ITSN1: variants seen among roughly 807,000 people sequenced by gnomAD.
The protein encoded by ITSN1 is intersectin 1.
A neutral mutation model predicts 239.8 loss-of-function variants in ITSN1; 58 were observed. The observed-to-expected ratio is 0.24, with a 90% CI of 0.20 to 0.30. The LOEUF (loss-of-function observed/expected upper bound fraction) is 0.30, where lower values mean the gene tolerates loss of function less well. ITSN1 is among the 10% of genes least tolerant of loss of function. ITSN1 has a pLI of 1.00. For missense variants in ITSN1, 1,558 were observed against 2,103.3 expected (o/e 0.74, Z 5.07); for synonymous variants, 780 against 770.8 (o/e 1.01, Z -0.20).
intron 29 of ITSN1, among the ~76,000 whole-genome samples, chr21:33,846,114 ACT>A (rs1048686503): frequency 1.3e-5 from 2 of 151,682 alleles, no homozygotes; most frequent in Non-Finnish European, 2.9e-5. Context: ...ATCTAGCCTC[ACT>A]CTGCTGTCCA....
At chr21:33,689,359 AG>A (rs371893473) in intron 1 of ITSN1, 26 of 152,300 alleles carry the variant, frequency 1.7e-4, no homozygotes, top group Middle Eastern at 3.4e-3. Context: ...GCATCTGTGT[AG>A]CCCCAGAGGG....
At chr21:33,698,136 A>G (rs964999) in intron 1 of ITSN1, among the ~76,000 whole-genome samples, 23,776 of 152,132 alleles carry the variant, frequency 0.16, 2,413 homozygotes, top group African/African-American at 0.27. Context: ...GATGATTTAG[A>G]AGAACTGAGG....
intron 30 of ITSN1, 152 bp downstream of exon 30, chr21:33,857,009 G>T (rs1320784275): frequency 4.3e-6 from 3 of 702,454 alleles, no homozygotes; most frequent in East Asian, 2.7e-5. Context: ...ATAGGAGATT[G>T]CGACCGCAGA....
chr21:33,690,811 A>G (rs1261670684), intron 1 of ITSN1, among the ~76,000 whole-genome samples: 1 of 20,146 alleles, frequency 5.0e-5, no homozygotes, highest in East Asian at 5.6e-4. Context: ...ATATATATAT[A>G]TATGTATATA....
intron 22 of ITSN1, among the ~76,000 whole-genome samples, chr21:33,815,076 A>T (rs916818548): frequency 2.6e-5 from 4 of 152,144 alleles, no homozygotes; most frequent in African/African-American, 9.7e-5. Context: ...AGTTGTGTTG[A>T]GTTGAAGGTG....
intron 1 of ITSN1, among the ~76,000 whole-genome samples, chr21:33,644,494 C>T (rs2087745329): frequency 6.6e-6 from 1 of 152,022 alleles, no homozygotes; most frequent in Non-Finnish European, 1.5e-5. Flanking sequence ...ATGGTACCGT[C>T]ACAAAACTCT....
chr21:33,675,254 T>C (rs546264689), intron 1 of ITSN1, among the ~76,000 whole-genome samples: 1 of 152,160 alleles, frequency 6.6e-6, no homozygotes, highest in East Asian at 1.9e-4. Flanking sequence ...AATTTGTAGG[T>C]CAAAGAGCAT....
At chr21:33,735,473 G>T (rs371779628) in intron 5 of ITSN1, 2 of 372,394 alleles carry the variant, frequency 5.4e-6, no homozygotes, top group Non-Finnish European at 9.7e-6. Flanking sequence ...CGCTGCTGCA[G>T]CTTCTGGGTT....
chr21:33,660,435 A>G (rs1220854061), intron 1 of ITSN1, among the ~76,000 whole-genome samples: 1 of 152,222 alleles, frequency 6.6e-6, no homozygotes, highest in African/African-American at 2.4e-5. Flanking sequence ...AAATAGCTGT[A>G]ATAAACCTAT....
intron 11 of ITSN1, among the ~76,000 whole-genome samples, chr21:33,770,650 T>C (rs1189925349): frequency 1.3e-5 from 2 of 152,222 alleles, no homozygotes; most frequent in African/African-American, 4.8e-5. Flanking sequence ...ATAAATGGAA[T>C]CATATATGAC....
Position 33,896,829 on chromosome 21 carries a change from C to T in ITSN1, c.*8529C>T, listed in dbSNP as rs1247349763. 1 of 152,214 alleles carries T rather than the reference C, an allele frequency of 6.6e-6. No individual in the cohort carries two copies. Among genetic ancestry groups the T allele is most frequent in the Non-Finnish European group, 1.5e-5 (1 of 68,036 alleles). The allele number at this position is 152,214 out of a possible 1,614,324, so 9.4% of individuals were successfully genotyped here. A position where few individuals can be genotyped will look rare whatever the true frequency, so the allele number is the denominator to read the frequency against. On this transcript the variant is annotated 3_prime_UTR_variant, in exon 40 of 40. Coordinates refer to ENST00000381318, the MANE Select transcript of ITSN1 (RefSeq NM_003024.3). Reference sequence around the variant, plus strand: ...GGTCCCCATCTCCATATACATTGAGCAATAATCCTCACTATGTTTCCTGAT... The same window carrying T: ...GGTCCCCATCTCCATATACATTGAGTAATAATCCTCACTATGTTTCCTGAT...
intron 29 of ITSN1, among the ~76,000 whole-genome samples, chr21:33,849,632 T>C (rs963327587): frequency 6.6e-6 from 1 of 151,574 alleles, no homozygotes; most frequent in Non-Finnish European, 1.5e-5. Context: ...AGTAATTTAA[T>C]TGTACATTTA....
chr21:33,751,716 C>A, intron 6 of ITSN1, 94 bp from the exon 7 acceptor site: 1 of 925,610 alleles, frequency 1.1e-6, no homozygotes, highest in Non-Finnish European at 1.7e-6. Context: ...TTATTTCTGC[C>A]TCAGATTTGT....
At chr21:33,674,015 A>G (rs2090453430) in intron 1 of ITSN1, among the ~76,000 whole-genome samples, 1 of 152,172 alleles carries the variant, frequency 6.6e-6, no homozygotes, top group Non-Finnish European at 1.5e-5. Flanking sequence ...GGATATTGTT[A>G]TTACTCAGGA....
chr21:33,839,924 C>T lies in ITSN1; in HGVS notation c.3661+3292C>T, dbSNP rs193296449. 5.5e-3 allele frequency among the ~76,000 whole-genome samples: 839 copies of T among 152,266 alleles called. 9 individuals are homozygous for T. The highest frequency in any genetic ancestry group is 0.019 in the African/African-American group (773 of 41,534). Reference sequence around the variant, plus strand: ...CATCCTGCAGTGCACAGGACAGTCCCCCGCAACAAAGAATGATCTGGCCCC... The same window carrying T: ...CATCCTGCAGTGCACAGGACAGTCCTCCGCAACAAAGAATGATCTGGCCCC... On this transcript the variant is annotated intron_variant, in intron 29 of 39. Coordinates refer to ENST00000381318, the MANE Select transcript of ITSN1 (RefSeq NM_003024.3).
At chr21:33,661,241 TA>T (rs35668241) in intron 1 of ITSN1, among the ~76,000 whole-genome samples, 1 of 150,084 alleles carries the variant, frequency 6.7e-6, no homozygotes, top group Non-Finnish European at 1.5e-5. Flanking sequence ...CGAGTTCCTG[TA>T]AAAAAAAAAT....
chr21:33,684,015 G>A (rs780014803), intron 1 of ITSN1, among the ~76,000 whole-genome samples: 2 of 152,166 alleles, frequency 1.3e-5, no homozygotes, highest in Non-Finnish European at 2.9e-5. Context: ...TGAAGCCACC[G>A]TGTAACATCT....
At chr21:33,693,841 G>A (rs1012963498) in intron 1 of ITSN1, among the ~76,000 whole-genome samples, 2 of 152,174 alleles carry the variant, frequency 1.3e-5, no homozygotes, top group African/African-American at 4.8e-5. Context: ...CTGATACAAT[G>A]TGTACGAAAG....
intron 9 of ITSN1, among the ~76,000 whole-genome samples, chr21:33,765,376 G>A (rs1331905023): frequency 6.6e-6 from 1 of 152,134 alleles, no homozygotes; most frequent in East Asian, 1.9e-4. Flanking sequence ...CGCACACCTT[G>A]TAATCTCACG....
Sources: gnomAD v4.1 joint callset for allele counts (sites outside exome capture counted in the v4.1 genomes callset) on GRCh38, gnomAD v4.1.1 for gene constraint, MANE v1.5 for transcripts, NCBI Gene and HGNC (gene_info 2026-07-23, HGNC 2026-07-21) for gene names.